The following KBTBD2 variants were observed in gnomAD, a reference collection of about 807,000 sequenced individuals.
KBTBD2 encodes kelch repeat and BTB domain-containing protein 2.
Under a neutral mutation model 57.1 loss-of-function variants are expected in KBTBD2, and 17 were observed. That is an observed-to-expected ratio of 0.30 (90% CI 0.20 to 0.45). The LOEUF (loss-of-function observed/expected upper bound fraction) is 0.45, where lower values mean the gene tolerates loss of function less well. Ranked by LOEUF, KBTBD2 falls within the 20% of genes least tolerant of loss-of-function variation. The probability of loss-of-function intolerance (pLI) is 1.00; values close to 1 mark genes in which losing one functional copy is unlikely to be tolerated. For synonymous variants in KBTBD2, 267 were observed against 262.7 expected (o/e 1.02, Z -0.16); for missense variants, 515 against 750.6 (o/e 0.69, Z 3.67).
chr7:32,888,955 GTCCTTTT>G (rs1784655899), intron 1 of KBTBD2, among the ~76,000 whole-genome samples: 1 of 152,188 alleles, frequency 6.6e-6, no homozygotes, highest in South Asian at 2.1e-4. Flanking sequence ...AGTATACTAT[GTCCTTTT>G]ATTTTGGGTA....
At position 32,869,267 on chromosome 7, in the gene KBTBD2, T is replaced by C. The variant is rs953479399; in HGVS notation, c.*78A>G. The C allele has an allele frequency of 9.5e-7, 1 of 1,048,074 alleles. No individual in the cohort carries two copies. The allele number at this position is 1,048,074 out of a possible 1,614,324, so 64.9% of individuals were successfully genotyped here. A position where few individuals can be genotyped will look rare whatever the true frequency, so the allele number is the denominator to read the frequency against. On this transcript the variant is annotated 3_prime_UTR_variant, in exon 4 of 4. Transcript: ENST00000304056. The stretch of plus-strand genomic sequence containing the variant: ...TAGAATTTTATGTACTCATATTTAG[T>C]TCTTTCATAGCCTCTTTTGTTTAGC...
chr7:32,880,242 C>T (rs1337844290), intron 1 of KBTBD2, among the ~76,000 whole-genome samples: 4 of 152,058 alleles, frequency 2.6e-5, no homozygotes, highest in African/African-American at 9.7e-5. Flanking sequence ...AAATAGACAA[C>T]TTAAATTACC....
intron 3 of KBTBD2, among the ~76,000 whole-genome samples, chr7:32,871,758 G>A (rs1336737644): frequency 6.6e-6 from 1 of 152,066 alleles, no homozygotes; most frequent in Non-Finnish European, 1.5e-5. Flanking sequence ...ACACCATCTG[G>A]TACTGAAACA....
At position 32,878,818 on chromosome 7, in the gene KBTBD2, G is replaced by C. The variant is rs371680677; in HGVS notation, c.170+617C>G. ...GGAAACGTACAACAAAGACGCAAAA[G>C]ATCATAAAAATGTAAAGTTAAGCTT... is the stretch of plus-strand genomic sequence containing the variant. On this transcript the variant is annotated intron_variant, in intron 2 of 3. Transcript: ENST00000304056. Among the ~76,000 whole-genome samples, 3 of 152,240 alleles carry C rather than the reference G, an allele frequency of 2.0e-5. No homozygotes were observed. In the East Asian group the frequency reaches 5.8e-4, roughly 29 times the overall value.
At chr7:32,875,804 A>G (rs1784299956) in intron 2 of KBTBD2, among the ~76,000 whole-genome samples, 3 of 152,210 alleles carry the variant, frequency 2.0e-5, no homozygotes, top group African/African-American at 7.2e-5. Flanking sequence ...AAAACCACAT[A>G]GTATATGAGT....
chr7:32,879,721 C>T lies in KBTBD2; in HGVS notation c.-117G>A, dbSNP rs1328158882. 2.0e-5 allele frequency: 15 copies of T among 768,870 alleles called. No homozygotes were observed. Among genetic ancestry groups the T allele is most frequent in the Non-Finnish European group, 2.6e-5 (12 of 463,464 alleles). The allele number at this position is 768,870 out of a possible 1,614,324, so 47.6% of individuals were successfully genotyped here. On this transcript the variant is annotated 5_prime_UTR_variant, in exon 2 of 4. The change abolishes the stop of an existing upstream ORF in the 5' untranslated region. Transcript: ENST00000304056. ...CCTACTTGCTGTTATCTGCAGCATT[C>T]AGTACCAAGACTGACACATTCACTA...
chr7:32,870,217 G>C lies in KBTBD2; in HGVS notation c.1000C>G (p.His334Asp), dbSNP rs1355845107. The C allele has an allele frequency of 4.3e-6, 7 of 1,614,086 alleles. No homozygotes were observed. The highest frequency in any genetic ancestry group is 4.2e-6 in the Non-Finnish European group (5 of 1,180,026). ...GTCTGAAGTTTGCTTGTTTTACTGT[G>C]ATTTGTTTTTGTGTTTTTCAGAGGA... is the stretch of plus-strand genomic sequence containing the variant. Reference protein sequence around the residue: ...QVPLKNTKTNHSKTSKLQTAF... With the variant: ...QVPLKNTKTNDSKTSKLQTAF... The change falls in exon 4 of 4, where the codon CAC becomes GAC. Residue 334 changes from histidine to aspartate, a missense_variant. His to Asp is a moderately conservative substitution (Grantham distance 81). Coordinates refer to ENST00000304056, the MANE Select transcript of KBTBD2 (RefSeq NM_015483.3).
At chr7:32,886,288 C>A (rs1784580092) in intron 1 of KBTBD2, among the ~76,000 whole-genome samples, 2 of 152,120 alleles carry the variant, frequency 1.3e-5, no homozygotes, top group South Asian at 2.1e-4. Flanking sequence ...CTACAGAAGT[C>A]AAAAATTTAT....
At chr7:32,870,904 A>G (rs560732818) in intron 3 of KBTBD2, 24 bp from the exon 4 acceptor site, 1 of 1,419,028 alleles carries the variant, frequency 7.0e-7, no homozygotes, top group African/African-American at 1.4e-5. Context: ...GAAAAAAAAA[A>G]CAGGCTGATA....
At chr7:32,881,531 A>C (rs1784444480) in intron 1 of KBTBD2, among the ~76,000 whole-genome samples, 1 of 152,162 alleles carries the variant, frequency 6.6e-6, no homozygotes, top group Non-Finnish European at 1.5e-5. Flanking sequence ...ACTTCCTGAC[A>C]AACTATACTA....
chr7:32,875,789 C>A (rs920828671), intron 2 of KBTBD2, among the ~76,000 whole-genome samples: 4 of 152,022 alleles, frequency 2.6e-5, no homozygotes, highest in Non-Finnish European at 5.9e-5. Context: ...AGAAGCCACA[C>A]ACAAAAAACC....
rs770612398 is a variant in KBTBD2 at position 32,870,080 on chromosome 7, T to C, written c.1137A>G (p.Glu379=). 5 of 1,614,242 alleles carry C rather than the reference T, an allele frequency of 3.1e-6. No individual in the cohort carries two copies. Among genetic ancestry groups the C allele is most frequent in the Non-Finnish European group, 4.2e-6 (5 of 1,180,032 alleles). ...VRIKPSLVCC[E]GYIYAIGGDS... ...CTCCTCCAATTGCATAGATATAGCC[T>C]TCACAGCAAACCAAAGATGGCTTTA... The change falls in exon 4 of 4, where the codon GAA becomes GAG. Residue 379 remains glutamate, a synonymous_variant. Coordinates refer to ENST00000304056, the MANE Select transcript of KBTBD2 (RefSeq NM_015483.3).
chr7:32,891,176 T>C (rs1434963325), intron 1 of KBTBD2: 1 of 151,056 alleles, frequency 6.6e-6, no homozygotes, highest in Non-Finnish European at 1.5e-5. Context: ...TTTACTTCGG[T>C]AAGGGCGGGC....
chr7:32,889,817 A>T (rs62467369), intron 1 of KBTBD2, among the ~76,000 whole-genome samples: 30,431 of 152,138 alleles, frequency 0.2, 3,773 homozygotes, highest in Admixed American at 0.4. Context: ...TCTTTTCTAA[A>T]TGTGTAACAT....
chr7:32,879,490 C>G lies in KBTBD2; in HGVS notation c.115G>C (p.Gly39Arg). The change falls in exon 2 of 4, where the codon GGC becomes CGC. Residue 39 changes from glycine (G) to arginine (R), a missense_variant. Transcript: ENST00000304056. ...ATCTTATGACAAGGGAATTCAGTGC[C>G]CTCAACAATTAACACTATGTCAGTA... ...LFTDIVLIVE[G>R]TEFPCHKMVL... The G allele has an allele frequency of 6.2e-7, 1 of 1,613,202 alleles. No homozygotes were observed. The highest frequency in any genetic ancestry group is 8.5e-7 in the Non-Finnish European group (1 of 1,179,376).
chr7:32,884,271 G>T (rs1221580180), intron 1 of KBTBD2, among the ~76,000 whole-genome samples: 1 of 152,056 alleles, frequency 6.6e-6, no homozygotes, highest in Non-Finnish European at 1.5e-5. Flanking sequence ...CCAGCACTTT[G>T]GGAGGCCAAG....
intron 1 of KBTBD2, among the ~76,000 whole-genome samples, chr7:32,885,021 C>CATATATGTGTATATATATAT (rs1562537593): frequency 6.9e-6 from 1 of 144,478 alleles, no homozygotes; most frequent in African/African-American, 2.6e-5. Flanking sequence ...TATATATACA[C>CATATATGTGTATATATATAT]ACACATACAC....
chr7:32,882,943 C>A (rs1408248578), intron 1 of KBTBD2, among the ~76,000 whole-genome samples: 1 of 152,182 alleles, frequency 6.6e-6, no homozygotes, highest in Admixed American at 6.5e-5. Context: ...CGAGATCGTG[C>A]CACTGCACTC....
In KBTBD2 at chr7:32,869,613, CAT is replaced by C. The variant is rs1784119132; in HGVS notation, c.1602_1603del (p.Phe537TyrfsTer8). On this transcript the variant is annotated frameshift_variant, in exon 4 of 4. Coordinates refer to ENST00000304056, the MANE Select transcript of KBTBD2 (RefSeq NM_015483.3). LOFTEE classifies it high-confidence loss of function. ...TAAGTGGGTTTCTCGCATAAACACACATAGAGAATTTGAGATCACAACAGCTC... is the reference window on the plus strand; with the variant it reads ...TAAGTGGGTTTCTCGCATAAACACACAGAGAATTTGAGATCACAACAGCTC... 4 of 1,614,038 alleles carry C rather than the reference CAT, an allele frequency of 2.5e-6. No individual in the cohort carries two copies. The highest frequency in any genetic ancestry group is 1.3e-5 in the African/African-American group (1 of 74,914).
Sources: gnomAD v4.1 joint callset for allele counts (sites outside exome capture counted in the v4.1 genomes callset) on GRCh38, gnomAD v4.1.1 for gene constraint, MANE v1.5 for transcripts, NCBI Gene and HGNC (gene_info 2026-07-23, HGNC 2026-07-21) for gene names.